ANK2: variants seen among roughly 807,000 people sequenced by gnomAD.
ANK2 encodes the protein ankyrin 2.
Under a neutral mutation model 360.5 loss-of-function variants are expected in ANK2, and 83 were observed. The observed-to-expected ratio is 0.23, with a 90% CI of 0.19 to 0.28. The LOEUF is 0.28. ANK2 is among the 10% of genes least tolerant of loss of function. ANK2 has a pLI of 1.00. For missense variants in ANK2, 4,201 were observed against 4,795.7 expected, an observed-to-expected ratio of 0.88 and a Z score of 3.66; for synonymous variants, 1,740 against 1,759.5, an observed-to-expected ratio of 0.99 and a Z score of 0.28.
chr4:112,718,937 G>A, the ANK2 span, among the ~76,000 whole-genome samples: 4 of 69,228 alleles, frequency 5.8e-5, no homozygotes, highest in South Asian at 3.6e-4. Context: ...GCACCCGGTC[G>A]CATGAGCCAC....
intron 2 of ANK2, among the ~76,000 whole-genome samples, chr4:112,986,596 A>C (rs533905375): frequency 4.1e-4 from 62 of 152,228 alleles, no homozygotes; most frequent in Non-Finnish European, 2.8e-4. Context: ...AGTCTTCAGC[A>C]CATCTAAGAT....
chr4:113,259,812 C>CTTTTTTTTTTT, intron 13 of ANK2, among the ~76,000 whole-genome samples: 1 of 106,616 alleles, frequency 9.4e-6, no homozygotes, highest in Non-Finnish European at 2.0e-5. Flanking sequence ...CTTTTTTTTT[C>CTTTTTTTTTTT]TTTTTTTTTT....
chr4:113,162,589 C>T (rs1156842586), intron 1 of ANK2, among the ~76,000 whole-genome samples: 1 of 152,134 alleles, frequency 6.6e-6, no homozygotes, highest in Non-Finnish European at 1.5e-5. Flanking sequence ...CACTATATTG[C>T]AATCTCTATT....
intron 2 of ANK2, among the ~76,000 whole-genome samples, chr4:112,990,458 G>C (rs772091569): frequency 2.0e-5 from 3 of 151,108 alleles, no homozygotes; most frequent in Non-Finnish European, 4.4e-5. Flanking sequence ...CTTCTTTCCT[G>C]TTTTATGTCC....
At chr4:112,773,467 TA>T in the ANK2 span, among the ~76,000 whole-genome samples, 1 of 152,164 alleles carries the variant, frequency 6.6e-6, no homozygotes, top group Non-Finnish European at 1.5e-5. Flanking sequence ...CAAAACAAAG[TA>T]AAAAGTAAAA....
At chr4:112,749,318 A>G in the ANK2 span, among the ~76,000 whole-genome samples, 3 of 152,214 alleles carry the variant, frequency 2.0e-5, no homozygotes, top group African/African-American at 7.2e-5. Context: ...GTATGGGAGG[A>G]AAAGCCTGAG....
chr4:113,368,869 A>G (rs891497208), intron 42 of ANK2, among the ~76,000 whole-genome samples: 6 of 152,224 alleles, frequency 3.9e-5, no homozygotes, highest in Non-Finnish European at 8.8e-5. Flanking sequence ...CATTTTAGGC[A>G]TTTAATATCT....
chr4:113,364,779 T>C (rs943921169), intron 40 of ANK2, among the ~76,000 whole-genome samples: 4 of 152,234 alleles, frequency 2.6e-5, no homozygotes, highest in African/African-American at 9.6e-5. Context: ...AAGAAGTATT[T>C]GCTTTTTATC....
the ANK2 span, among the ~76,000 whole-genome samples, chr4:112,706,284 C>G: frequency 6.6e-6 from 1 of 152,148 alleles, no homozygotes; most frequent in African/African-American, 2.4e-5. Flanking sequence ...AGGGCGGGGA[C>G]CTCAACCCCA....
chr4:113,083,572 G>A (rs1157066180), intron 1 of ANK2, among the ~76,000 whole-genome samples: 2 of 152,022 alleles, frequency 1.3e-5, no homozygotes, highest in Non-Finnish European at 1.5e-5. Context: ...ATCACTGTTG[G>A]GTATAAGGAG....
At chr4:112,766,513 T>C in the ANK2 span, among the ~76,000 whole-genome samples, 1 of 152,144 alleles carries the variant, frequency 6.6e-6, no homozygotes, top group Non-Finnish European at 1.5e-5. Flanking sequence ...CCTTCAGAAA[T>C]TGCTGGATCC....
chr4:112,758,005 G>A, the ANK2 span, among the ~76,000 whole-genome samples: 1 of 151,956 alleles, frequency 6.6e-6, no homozygotes, highest in Non-Finnish European at 1.5e-5. Flanking sequence ...TCGGGTTCAA[G>A]CGATTCTCCT....
the ANK2 span, chr4:112,788,360 C>T: frequency 2.0e-5 from 31 of 1,549,404 alleles, no homozygotes; most frequent in African/African-American, 2.7e-5. Flanking sequence ...CACCATTTTA[C>T]GACATAGGGC....
intron 1 of ANK2, among the ~76,000 whole-genome samples, chr4:113,061,307 T>G (rs2073233847): frequency 6.6e-6 from 1 of 152,108 alleles, no homozygotes; most frequent in African/African-American, 2.4e-5. Flanking sequence ...AAAAAATTAC[T>G]GTTGGAATAA....
At chr4:112,864,517 C>T (rs915543019) in intron 1 of ANK2, among the ~76,000 whole-genome samples, 7 of 151,852 alleles carry the variant, frequency 4.6e-5, no homozygotes, top group African/African-American at 1.5e-4. Flanking sequence ...ATCATGCTGA[C>T]CAGGCTGGTC....
chr4:112,760,288 G>T, the ANK2 span, among the ~76,000 whole-genome samples: 3 of 150,382 alleles, frequency 2.0e-5, no homozygotes, highest in African/African-American at 7.3e-5. Context: ...TCGGGTTCCC[G>T]CCATTTTCCT....
chr4:113,215,001 C>T (rs2099070184), intron 4 of ANK2, among the ~76,000 whole-genome samples: 1 of 152,090 alleles, frequency 6.6e-6, no homozygotes, highest in Non-Finnish European at 1.5e-5. Flanking sequence ...CTGAACATAA[C>T]TGGGTACAAT....
chr4:112,919,134 T>C (rs1340690041), intron 2 of ANK2, among the ~76,000 whole-genome samples: 2 of 152,194 alleles, frequency 1.3e-5, no homozygotes, highest in Non-Finnish European at 2.9e-5. Context: ...TGCATACTAA[T>C]ATTGTCTTCC....
chr4:113,380,359 A>G (rs1396876136), intron 45 of ANK2, among the ~76,000 whole-genome samples: 1 of 152,212 alleles, frequency 6.6e-6, no homozygotes, highest in Non-Finnish European at 1.5e-5. Flanking sequence ...TAATATGACT[A>G]TACAAAAGTT....
Sources: gnomAD v4.1 joint callset for allele counts (sites outside exome capture counted in the v4.1 genomes callset) on GRCh38, gnomAD v4.1.1 for gene constraint, MANE v1.5 for transcripts, NCBI Gene and HGNC (gene_info 2026-07-23, HGNC 2026-07-21) for gene names.